Variants in LAMA5 observed in about 807,000 individuals in gnomAD.
The protein encoded by LAMA5 is laminin subunit alpha 5.
In LAMA5, 260 loss-of-function variants were observed where a neutral mutation model predicts 433.4. The observed-to-expected ratio is 0.60, with a 90% CI of 0.54 to 0.66. The LOEUF (loss-of-function observed/expected upper bound fraction) is 0.66, where lower values mean the gene tolerates loss of function less well. Among genes scored for constraint, LAMA5 ranks in the 30% least tolerant of loss-of-function variants. The pLI, the probability that LAMA5 is intolerant of heterozygous loss-of-function variation, is 0.00. For synonymous variants in LAMA5, 2,620 were observed against 2,226.6 expected (o/e 1.18, Z -4.97); for missense variants, 5,378 against 5,258.5 (o/e 1.02, Z -0.70).
At position 62,346,969 on chromosome 20, in the gene LAMA5, C is replaced by T; in HGVS notation, c.1016G>A (p.Gly339Asp). 1 of 1,612,754 alleles carries T rather than the reference C, an allele frequency of 6.2e-7. No homozygotes were observed. The highest frequency in any genetic ancestry group is 8.5e-7 in the Non-Finnish European group (1 of 1,179,922). The change falls in exon 7 of 80, where the codon GGC becomes GAC. Residue 339 changes from glycine (G) to aspartate (D), a missense_variant. Coordinates refer to ENST00000252999, the MANE Select transcript of LAMA5 (RefSeq NM_005560.6). Reference protein sequence around the residue: ...CGGTCDRCCPGFNQQPWKPAT... With the variant: ...CGGTCDRCCPDFNQQPWKPAT... ...AGGCTTCCACGGCTGCTGATTGAAG[C>T]CGGGGCAGCAGCGGTCGCAGGTGCC...
At position 62,329,219 on chromosome 20, in the gene LAMA5, C is replaced by T. The variant is rs1034749099; in HGVS notation, c.4154G>A (p.Ser1385Asn). ...GGGCTCCTCCCGGAGGTAGCCAAAG[C>T]TGTAGACGTTCTCAGGGACCACGAG... ...YVLVVPENVYSFGYLREEPLD... is the reference protein window; with the variant it reads ...YVLVVPENVYNFGYLREEPLD... Residue 1385 changes from serine (S) to asparagine (N), a missense_variant, in exon 33 of 80, where the codon AGC becomes AAC. Physicochemically the swap from Ser to Asn is conservative, Grantham distance 46. Transcript: ENST00000252999. The T allele has an allele frequency of 1.2e-6, 2 of 1,612,810 alleles. No individual in the cohort carries two copies. The highest frequency in any genetic ancestry group is 4.5e-5 in the East Asian group (2 of 44,868).
Position 62,346,167 on chromosome 20 carries a change from G to A in LAMA5, c.1331C>T (p.Thr444Met), listed in dbSNP as rs765412212. The change falls in exon 10 of 80, where the codon ACG becomes ATG. Residue 444 changes from threonine (T) to methionine (M), a missense_variant. Coordinates refer to ENST00000252999, the MANE Select transcript of LAMA5 (RefSeq NM_005560.6). ...DFTDGTCEDL[T>M]GRCYCRPNFS... ...GTTGGGCCGGCAGTAGCATCGACCC[G>A]TCAGGTCCTCGCAGGTGCCATCCGT... 21 of 1,612,832 alleles carry A rather than the reference G, an allele frequency of 1.3e-5. 1 individual carries two copies. The highest frequency in any genetic ancestry group is 6.6e-5 in the South Asian group (6 of 91,032).
In LAMA5 at chr20:62,359,121, G is replaced by A. The variant is rs1985661498; in HGVS notation, c.450+3279C>T. Among the ~76,000 whole-genome samples, 1 of 152,180 alleles carries A rather than the reference G, an allele frequency of 6.6e-6. No homozygotes were observed. Among genetic ancestry groups the A allele is most frequent in the South Asian group, 2.1e-4 (1 of 4,834 alleles). On this transcript the variant is annotated intron_variant, in intron 2 of 79. Coordinates refer to ENST00000252999, the MANE Select transcript of LAMA5 (RefSeq NM_005560.6). This position sits in a 1 kb window ranked among gnomAD's most constrained non-coding sequence, Gnocchi z 4.3. ...AGCCGCTACCCCACCTGTAGCACCT[G>A]CAGCGTGGCCTGCTCTACAGAGAAC...
intron 3 of LAMA5, 43 bp downstream of exon 3, chr20:62,353,091 C>A (rs972317786): frequency 5.6e-6 from 8 of 1,420,444 alleles, no homozygotes; most frequent in Admixed American, 2.0e-5. Context: ...GCCCAGGGAC[C>A]CCCCTGCCTC....
rs754826844 is a variant in LAMA5, at chr20:62,351,818, C to T, written c.859-17G>A. 1.1e-4 allele frequency: 172 copies of T among 1,595,562 alleles called. No individual in the cohort carries two copies. The highest frequency in any genetic ancestry group is 1.9e-4 in the South Asian group (17 of 88,452). On this transcript the variant is annotated splice_polypyrimidine_tract_variant and intron_variant, in intron 5 of 79. Coordinates refer to ENST00000252999, the MANE Select transcript of LAMA5 (RefSeq NM_005560.6). ...GTAATAATACTGCACCCGCAGGCCCCGTGAGCACCAGGCGGCCAGGCCTCA... is the reference window on the plus strand; with the variant it reads ...GTAATAATACTGCACCCGCAGGCCCTGTGAGCACCAGGCGGCCAGGCCTCA...
Position 62,334,008 on chromosome 20 carries a change from G to A in LAMA5, c.2771C>T (p.Ser924Phe), listed in dbSNP as rs753255454. 1 of 1,613,026 alleles carries A rather than the reference G, an allele frequency of 6.2e-7. No individual in the cohort carries two copies. Among genetic ancestry groups the A allele is most frequent in the South Asian group, 1.1e-5 (1 of 91,082 alleles). The change falls in exon 23 of 80, where the codon TCC becomes TTC. Residue 924 changes from serine to phenylalanine, a missense_variant. Coordinates refer to ENST00000252999, the MANE Select transcript of LAMA5 (RefSeq NM_005560.6). Reference sequence around the variant, plus strand: ...GAAGACGAGCCAGAAAAGGTCAGGGGAGGTCAGGTTCAGCCTGGCCACGAT... The same window carrying A: ...GAAGACGAGCCAGAAAAGGTCAGGGAAGGTCAGGTTCAGCCTGGCCACGAT... Reference protein sequence around the residue: ...PRIVARLNLTSPDLFWLVFRY... With the variant: ...PRIVARLNLTFPDLFWLVFRY...
rs1986735280 is a variant in LAMA5, at chr20:62,314,650, C to T, written c.8272G>A (p.Ala2758Thr). ...AGGTAGAACTTGAGGGCAGTGTAGGCAGCAAGGTCGGCAAGATCCCGTGGG... is the reference window on the plus strand; with the variant it reads ...AGGTAGAACTTGAGGGCAGTGTAGGTAGCAAGGTCGGCAAGATCCCGTGGG... ...RTPRDLADLAAYTALKFYLQG... is the reference protein window; with the variant it reads ...RTPRDLADLATYTALKFYLQG... The change falls in exon 61 of 80, where the codon GCC (alanine) becomes ACC (threonine). Residue 2758 changes from alanine to threonine, a missense_variant. Transcript: ENST00000252999. 1 of 1,612,644 alleles carries T rather than the reference C, an allele frequency of 6.2e-7. No individual in the cohort carries two copies. The highest frequency in any genetic ancestry group is 1.1e-5 in the South Asian group (1 of 91,084).
intron 62 of LAMA5, among the ~76,000 whole-genome samples, 167 bp downstream of exon 62, chr20:62,314,137 C>T (rs1309132517): frequency 3.9e-5 from 3 of 77,690 alleles, no homozygotes; most frequent in African/African-American, 1.0e-4. Flanking sequence ...CGAGGGGTGG[C>T]GAGTGGGCAC....
At chr20:62,363,474 G>A (rs559980723) in intron 1 of LAMA5, among the ~76,000 whole-genome samples, 1 of 152,238 alleles carries the variant, frequency 6.6e-6, no homozygotes, top group Admixed American at 6.5e-5. Flanking sequence ...GGTGAGTGGG[G>A]AAGAGAGGAG....
intron 6 of LAMA5, among the ~76,000 whole-genome samples, chr20:62,347,345 G>A (rs895523764): frequency 6.6e-6 from 1 of 152,116 alleles, no homozygotes; most frequent in African/African-American, 2.4e-5. Context: ...GTGGGGCCTA[G>A]GACAGGGCAC....
chr20:62,358,276 C>T (rs376035413), intron 2 of LAMA5, among the ~76,000 whole-genome samples: 10 of 152,256 alleles, frequency 6.6e-5, no homozygotes, highest in African/African-American at 2.2e-4. Context: ...GAGGGTTTTG[C>T]CGTCTATCCT....
chr20:62,323,683 TG>T lies in LAMA5; in HGVS notation c.5850-14del, dbSNP rs1978741561. On this transcript the variant is annotated splice_polypyrimidine_tract_variant and intron_variant, in intron 44 of 79. Transcript: ENST00000252999. ...TCCGGGCGCACACCTGGGAGCAGGG[TG>T]GGGAGGGGCCGTCAGTGGCCCGTGG... 3.7e-6 allele frequency: 6 copies of T among 1,600,222 alleles called. No homozygotes were observed. The highest frequency in any genetic ancestry group is 5.1e-6 in the Non-Finnish European group (6 of 1,172,204).
At chr20:62,351,875 T>A (rs1417434906) in intron 5 of LAMA5, 34 bp downstream of exon 5, 1 of 1,574,362 alleles carries the variant, frequency 6.4e-7, no homozygotes, top group South Asian at 1.1e-5. Context: ...ACCCGGCCAG[T>A]CCCCCTCCCC....
intron 11 of LAMA5, among the ~76,000 whole-genome samples, chr20:62,341,430 C>CT (rs761089132): frequency 2.9e-4 from 44 of 152,196 alleles, no homozygotes; most frequent in Admixed American, 7.2e-4. Context: ...CTGGATAACT[C>CT]TTTGTTATGT....
chr20:62,316,876 C>T lies in LAMA5; in HGVS notation c.7653+6G>A. 2.0e-6 allele frequency: 3 copies of T among 1,529,676 alleles called. No homozygotes were observed. The highest frequency in any genetic ancestry group is 2.6e-6 in the Non-Finnish European group (3 of 1,137,644). The allele number at this position is 1,529,676 out of a possible 1,614,324, so 94.8% of individuals were successfully genotyped here. On this transcript the variant is annotated splice_donor_region_variant and intron_variant, in intron 56 of 79. Transcript: ENST00000252999. ...GCTGGGGCTGAGGGGAAGTGAGGGG[C>T]CTCACCGCCCACGTGTGGTCCGCCT...
rs780211398 is a variant in LAMA5, at chr20:62,337,679, C to CGGGGGTCACAGGCTGCGTGCA, written c.2054_2074dup (p.Leu685_Pro691dup). On this transcript the variant is annotated inframe_insertion, in exon 16 of 80. Coordinates refer to ENST00000252999, the MANE Select transcript of LAMA5 (RefSeq NM_005560.6). ...GGGCCGGCAGCTGCACTGCCCACTCCGGGGGTCACAGGCTGCGTGCAGGGA... is the reference window on the plus strand; with the variant it reads ...GGGCCGGCAGCTGCACTGCCCACTCCGGGGGTCACAGGCTGCGTGCAGGGGGTCACAGGCTGCGTGCAGGGA... 1 of 1,611,982 alleles carries CGGGGGTCACAGGCTGCGTGCA rather than the reference C, an allele frequency of 6.2e-7. No individual in the cohort carries two copies. The highest frequency in any genetic ancestry group is 8.5e-7 in the Non-Finnish European group (1 of 1,179,542).
intron 64 of LAMA5, 29 bp downstream of exon 64, chr20:62,313,298 T>A: frequency 3.0e-6 from 1 of 331,988 alleles, no homozygotes; most frequent in Non-Finnish European, 5.2e-6. Flanking sequence ...GTGGGGTGGG[T>A]GGAGACGGGG....
chr20:62,316,976 T>A lies in LAMA5; in HGVS notation c.7559A>T (p.Glu2520Val). ...NQDRLTQRAI[E>V]ASNAYSRILQ... ...GATGCGGCTGTAGGCGTTGGAGGCC[T>A]CGATGGCCCTCTGGGTGAGGCGGTC... The change falls in exon 56 of 80, where the codon GAG (glutamate) becomes GTG (valine). Residue 2520 changes from glutamate to valine, a missense_variant. Coordinates refer to ENST00000252999, the MANE Select transcript of LAMA5 (RefSeq NM_005560.6). 6.4e-7 allele frequency: 1 copy of A among 1,562,026 alleles called. No homozygotes were observed. The highest frequency in any genetic ancestry group is 1.4e-5 in the African/African-American group (1 of 73,494).
rs546040595 is a variant in LAMA5 at position 62,366,975 on chromosome 20, C to T, written c.271G>A (p.Gly91Ser). 64 of 1,277,846 alleles carry T rather than the reference C, an allele frequency of 5.0e-5. No individual in the cohort carries two copies. The African/African-American group carries it at 9.5e-4, about 19-fold the overall frequency. The allele number at this position is 1,277,846 out of a possible 1,614,324, so 79.2% of individuals were successfully genotyped here. Residue 91 changes from glycine (G) to serine (S), a missense_variant, in exon 1 of 80, where the codon GGC (glycine) becomes AGC (serine). By Grantham distance (56) the Gly-to-Ser change is moderately conservative (BLOSUM62 0). Transcript: ENST00000252999. ...YCKLVGGPVA[G>S]GDPNQTIRGQ... ...CGGATGGTCTGGTTGGGGTCGCCGC[C>T]GGCCACGGGGCCCCCTACCAGCTTG...
Sources: gnomAD v4.1 joint callset for allele counts (sites outside exome capture counted in the v4.1 genomes callset) on GRCh38, gnomAD v4.1.1 for gene constraint, Gnocchi (gnomAD v3.1) non-coding constraint, MANE v1.5 for transcripts, NCBI Gene and HGNC (gene_info 2026-07-23, HGNC 2026-07-21) for gene names.